Variants in DCC observed in about 807,000 individuals in gnomAD.
DCC encodes the protein DCC netrin 1 receptor.
A neutral mutation model predicts 172.5 loss-of-function variants in DCC; 58 were observed. The observed-to-expected ratio is 0.34, with a 90% CI of 0.27 to 0.42. The LOEUF is 0.42. DCC is among the 10% of genes least tolerant of loss of function. The probability of loss-of-function intolerance (pLI) is 1.00; values close to 1 mark genes in which losing one functional copy is unlikely to be tolerated. For missense variants in DCC, 1,740 were observed against 1,791.0 expected (o/e 0.97, Z 0.51); for synonymous variants, 709 against 644.5 (o/e 1.10, Z -1.52).
At chr18:52,656,729 A>G (rs2144937886) in intron 1 of DCC, among the ~76,000 whole-genome samples, 1 of 152,184 alleles carries the variant, frequency 6.6e-6, no homozygotes, top group South Asian at 2.1e-4. Flanking sequence ...CTTGACTTTA[A>G]TGGTCTGTTG....
intron 12 of DCC, among the ~76,000 whole-genome samples, chr18:53,274,795 C>T (rs1363702147): frequency 6.6e-6 from 1 of 152,048 alleles, no homozygotes; most frequent in African/African-American, 2.4e-5. Context: ...GTCTCTTGGC[C>T]AGAAGCATCA....
At chr18:52,985,247 G>T (rs1157403588) in intron 5 of DCC, among the ~76,000 whole-genome samples, 5 of 151,822 alleles carry the variant, frequency 3.3e-5, no homozygotes, top group African/African-American at 1.2e-4. Flanking sequence ...TTTCATTTTT[G>T]ATATTCATAA....
chr18:52,576,258 TG>T (rs1176019163), intron 1 of DCC, among the ~76,000 whole-genome samples: 1 of 152,306 alleles, frequency 6.6e-6, no homozygotes, highest in South Asian at 2.1e-4. Flanking sequence ...AACAACAAAG[TG>T]TGAAACTGGG....
chr18:53,033,439 A>G lies in DCC; in HGVS notation c.986-29866A>G, dbSNP rs145284783. Among the ~76,000 whole-genome samples, 334 of 152,228 alleles carry G rather than the reference A, an allele frequency of 2.2e-3. 1 individual carries two copies. The highest frequency in any genetic ancestry group is 7.7e-3 in the African/African-American group (321 of 41,548). ...CTCATTCCTTCACTGCGTCTTGCAT[A>G]TGTTGCTCTCAATTGATGACTTTGC... On this transcript the variant is annotated intron_variant, in intron 5 of 28. Transcript: ENST00000442544.
At chr18:52,937,184 T>C (rs2040392978) in intron 5 of DCC, among the ~76,000 whole-genome samples, 1 of 152,134 alleles carries the variant, frequency 6.6e-6, no homozygotes, top group African/African-American at 2.4e-5. Flanking sequence ...TCATTATGTA[T>C]ATATGTGCAG....
chr18:52,783,672 AC>A (rs1157397541), intron 2 of DCC, among the ~76,000 whole-genome samples: 2 of 151,890 alleles, frequency 1.3e-5, no homozygotes, highest in African/African-American at 4.8e-5. Flanking sequence ...CACTGTATAT[AC>A]AAGTGTATAT....
At chr18:53,262,981 T>C (rs908359496) in intron 12 of DCC, among the ~76,000 whole-genome samples, 4 of 152,198 alleles carry the variant, frequency 2.6e-5, no homozygotes, top group Admixed American at 2.6e-4. Flanking sequence ...GATTTATTGG[T>C]CTTTCATTGG....
At chr18:52,566,938 G>T (rs2033174950) in intron 1 of DCC, among the ~76,000 whole-genome samples, 1 of 152,160 alleles carries the variant, frequency 6.6e-6, no homozygotes, top group Non-Finnish European at 1.5e-5. Flanking sequence ...AAAACTTCTA[G>T]AATGCCTAAA....
At chr18:53,162,825 C>T (rs1464361335) in intron 8 of DCC, among the ~76,000 whole-genome samples, 1 of 152,174 alleles carries the variant, frequency 6.6e-6, no homozygotes, top group African/African-American at 2.4e-5. Flanking sequence ...TTTTGTTTCC[C>T]TAATCCCCTT....
At chr18:52,656,666 A>G (rs528402454) in intron 1 of DCC, among the ~76,000 whole-genome samples, 1 of 152,320 alleles carries the variant, frequency 6.6e-6, no homozygotes, top group East Asian at 1.9e-4. Flanking sequence ...GGCTCAAGGG[A>G]CATGCTTGGT....
intron 22 of DCC, among the ~76,000 whole-genome samples, chr18:53,445,819 A>C (rs965189570): frequency 9.2e-5 from 14 of 152,060 alleles, no homozygotes; most frequent in Non-Finnish European, 1.5e-5. Flanking sequence ...GATGGTAAAA[A>C]ATGTGACACC....
At chr18:52,596,350 C>T (rs2033910379) in intron 1 of DCC, among the ~76,000 whole-genome samples, 1 of 152,186 alleles carries the variant, frequency 6.6e-6, no homozygotes, top group South Asian at 2.1e-4. Context: ...ATTAGACTAA[C>T]TCACTGGTGA....
At chr18:52,708,099 T>A (rs1685803279) in intron 1 of DCC, among the ~76,000 whole-genome samples, 1 of 152,216 alleles carries the variant, frequency 6.6e-6, no homozygotes. Context: ...AACATCATGT[T>A]GTATGCCATA....
In DCC at chr18:53,179,049, T is replaced by C. The variant is rs752719855; in HGVS notation, c.1506T>C (p.Val502=). 77 of 1,613,946 alleles carry C rather than the reference T, an allele frequency of 4.8e-5. No homozygotes were observed. The highest frequency in any genetic ancestry group is 6.0e-5 in the Non-Finnish European group (71 of 1,179,964). Residue 502 remains valine (V), a synonymous_variant, in exon 9 of 29, where the codon GTT becomes GTC. Transcript: ENST00000442544. The part of the protein sequence containing the change: ...LKPEAMYTFR[V]VAYNEWGPGE... ...CAGAAGCCATGTACACCTTTCGAGT[T>C]GTGGCTTACAATGAATGGGGACCGG...
intron 5 of DCC, among the ~76,000 whole-genome samples, chr18:52,986,817 C>T (rs926089835): frequency 6.0e-5 from 8 of 133,300 alleles, no homozygotes; most frequent in East Asian, 3.3e-4. Context: ...TATATATATA[C>T]ACACACACAC....
chr18:53,010,298 G>T (rs961929635), intron 5 of DCC, among the ~76,000 whole-genome samples: 4 of 151,634 alleles, frequency 2.6e-5, no homozygotes, highest in African/African-American at 9.7e-5. Context: ...ATCTAAAATT[G>T]CTTTGGCTAT....
chr18:53,443,570 A>G (rs954779984), intron 22 of DCC, among the ~76,000 whole-genome samples: 17 of 152,232 alleles, frequency 1.1e-4, no homozygotes, highest in African/African-American at 3.9e-4. Flanking sequence ...CCATGGATCA[A>G]TGAGTCATGC....
intron 14 of DCC, among the ~76,000 whole-genome samples, chr18:53,326,539 T>A (rs1442156176): frequency 6.6e-6 from 1 of 152,212 alleles, no homozygotes; most frequent in Non-Finnish European, 1.5e-5. Flanking sequence ...AATTAATATT[T>A]GAAGGAATGA....
intron 5 of DCC, among the ~76,000 whole-genome samples, chr18:53,060,415 T>C (rs1599082930): frequency 1.3e-5 from 2 of 152,158 alleles, no homozygotes; most frequent in African/African-American, 2.4e-5. Context: ...TTGCCTGCTG[T>C]CTGATATACT....
Sources: allele counts gnomAD v4.1 joint callset (sites outside exome capture counted in the v4.1 genomes callset), GRCh38; gene constraint gnomAD v4.1.1; transcripts MANE v1.5; gene names NCBI Gene and HGNC (gene_info 2026-07-23, HGNC 2026-07-21).